CNTN5: variants seen among roughly 807,000 people sequenced by gnomAD.
CNTN5 encodes contactin-5.
A neutral mutation model predicts 129.1 loss-of-function variants in CNTN5; 77 were observed. The ratio of observed to expected loss-of-function variants is 0.60; its 90% confidence interval spans 0.50 to 0.72. The LOEUF (loss-of-function observed/expected upper bound fraction) is 0.72, where lower values mean the gene tolerates loss of function less well. Among genes scored for constraint, CNTN5 ranks in the 30% least tolerant of loss-of-function variants. The pLI, the probability that CNTN5 is intolerant of heterozygous loss-of-function variation, is 0.00. For synonymous variants in CNTN5, 509 were observed against 465.6 expected, an observed-to-expected ratio of 1.09 and a Z score of -1.20; for missense variants, 1,478 against 1,328.8, an observed-to-expected ratio of 1.11 and a Z score of -1.75.
intron 1 of CNTN5, among the ~76,000 whole-genome samples, chr11:99,193,079 T>C (rs1174868936): frequency 6.6e-6 from 1 of 152,200 alleles, no homozygotes. Context: ...TATTAGTACA[T>C]AAGCATAAAC....
rs867338347 is a variant in CNTN5, at chr11:99,703,227, G to T, written c.56-116317G>T. ...CAAATACATATCAAAGGTATTTGGG[G>T]TTTTTTTTTTTTTTTTTGCTTGTTT... is the stretch of plus-strand genomic sequence containing the variant. On this transcript the variant is annotated intron_variant, in intron 3 of 24. Transcript: ENST00000524871. Among the ~76,000 whole-genome samples the T allele has an allele frequency of 8.1e-3, 991 of 121,608 alleles. 12 individuals are homozygous for T. The highest frequency in any genetic ancestry group is 0.024 in the African/African-American group (786 of 32,206). 79.8% of individuals were successfully genotyped at this position (121,608 alleles called of 152,430 possible).
intron 3 of CNTN5, among the ~76,000 whole-genome samples, chr11:99,796,877 A>G (rs1945960733): frequency 6.6e-6 from 1 of 151,936 alleles, no homozygotes; most frequent in African/African-American, 2.4e-5. Context: ...TGACAACTCA[A>G]GTGTCTCTGG....
intron 8 of CNTN5, among the ~76,000 whole-genome samples, chr11:99,967,114 C>T (rs12790700): frequency 0.13 from 19,051 of 152,062 alleles, 1,358 homozygotes; most frequent in African/African-American, 0.19. Context: ...GGATATTTGA[C>T]TATCCATCAA....
chr11:99,262,585 T>C (rs988251321), intron 1 of CNTN5, among the ~76,000 whole-genome samples: 3 of 149,906 alleles, frequency 2.0e-5, no homozygotes, highest in African/African-American at 5.0e-5. Flanking sequence ...TTGCTTATCA[T>C]AGACTTCTTT....
intron 20 of CNTN5, among the ~76,000 whole-genome samples, chr11:100,305,566 T>C (rs72987639): frequency 0.029 from 4,470 of 151,772 alleles, 88 homozygotes; most frequent in Middle Eastern, 0.061. Context: ...ATTTGTGACT[T>C]TGGAGCCAAG....
chr11:100,334,159 G>C (rs1478796862), intron 21 of CNTN5, among the ~76,000 whole-genome samples: 1 of 152,096 alleles, frequency 6.6e-6, no homozygotes, highest in African/African-American at 2.4e-5. Flanking sequence ...TATGCAAACT[G>C]CCAACAAACA....
intron 1 of CNTN5, among the ~76,000 whole-genome samples, chr11:99,162,532 G>A (rs146415520): frequency 6.6e-6 from 1 of 152,116 alleles, no homozygotes; most frequent in Non-Finnish European, 1.5e-5. Flanking sequence ...ACCTCTTATT[G>A]ACTAAAATTA....
chr11:99,508,090 T>A, intron 2 of CNTN5, among the ~76,000 whole-genome samples: 1 of 152,220 alleles, frequency 6.6e-6, no homozygotes, highest in East Asian at 1.9e-4. Flanking sequence ...GTCTTCAGTG[T>A]TAGGACAGAG....
At chr11:99,973,837 G>A (rs1016543048) in intron 8 of CNTN5, among the ~76,000 whole-genome samples, 1 of 152,116 alleles carries the variant, frequency 6.6e-6, no homozygotes, top group African/African-American at 2.4e-5. Context: ...TTCTTCCAGA[G>A]TTCACTCCAA....
chr11:99,877,697 G>A (rs184908223), intron 6 of CNTN5, among the ~76,000 whole-genome samples: 2 of 152,226 alleles, frequency 1.3e-5, no homozygotes, highest in Admixed American at 1.3e-4. Context: ...ATTACATGCT[G>A]TAGTAATATA....
intron 3 of CNTN5, among the ~76,000 whole-genome samples, chr11:99,665,416 A>G (rs1255444618): frequency 1.3e-5 from 2 of 151,858 alleles, no homozygotes; most frequent in African/African-American, 2.4e-5. Flanking sequence ...TAATGATACT[A>G]TAGGAATAAT....
intron 3 of CNTN5, among the ~76,000 whole-genome samples, chr11:99,702,248 A>G (rs1954554079): frequency 6.6e-6 from 1 of 150,738 alleles, no homozygotes; most frequent in African/African-American, 2.4e-5. Context: ...CATATTTTTA[A>G]GGTACATATT....
intron 2 of CNTN5, among the ~76,000 whole-genome samples, chr11:99,414,406 T>C (rs1484344004): frequency 6.6e-6 from 1 of 152,052 alleles, no homozygotes; most frequent in Non-Finnish European, 1.5e-5. Context: ...AGAAACTCTT[T>C]TAAGCACTAT....
intron 16 of CNTN5, among the ~76,000 whole-genome samples, chr11:100,251,946 C>A (rs1056211389): frequency 6.6e-6 from 1 of 152,040 alleles, no homozygotes. Context: ...AGTGGAATTG[C>A]GGGATCACAT....
chr11:99,350,273 C>G (rs1394655318), intron 2 of CNTN5, among the ~76,000 whole-genome samples: 2 of 152,076 alleles, frequency 1.3e-5, no homozygotes, highest in South Asian at 2.1e-4. Flanking sequence ...AATACACCAC[C>G]TGAATGCCTA....
chr11:99,094,390 T>C (rs1866383022), intron 1 of CNTN5, among the ~76,000 whole-genome samples: 3 of 152,166 alleles, frequency 2.0e-5, no homozygotes, highest in Non-Finnish European at 2.9e-5. Flanking sequence ...GAGTTAAGCC[T>C]GTTGAAATAT....
At chr11:100,117,938 C>T (rs1464275048) in intron 13 of CNTN5, among the ~76,000 whole-genome samples, 1 of 151,770 alleles carries the variant, frequency 6.6e-6, no homozygotes, top group African/African-American at 2.4e-5. Context: ...ACCTGACTTA[C>T]TCTGTGATAC....
chr11:100,092,824 T>C (rs1944843873), intron 13 of CNTN5, among the ~76,000 whole-genome samples: 1 of 152,054 alleles, frequency 6.6e-6, no homozygotes, highest in Non-Finnish European at 1.5e-5. Flanking sequence ...CACCTGGTTT[T>C]AAAGCGGTGA....
intron 2 of CNTN5, among the ~76,000 whole-genome samples, chr11:99,447,910 G>A (rs1944136793): frequency 6.6e-6 from 1 of 152,104 alleles, no homozygotes; most frequent in Non-Finnish European, 1.5e-5. Flanking sequence ...GGGTAACAGG[G>A]CGAGACTCCG....
Sources: allele counts gnomAD v4.1 joint callset (sites outside exome capture counted in the v4.1 genomes callset), GRCh38; gene constraint gnomAD v4.1.1; transcripts MANE v1.5; gene names NCBI Gene and HGNC (gene_info 2026-07-23, HGNC 2026-07-21).